GABRA3: variants seen among roughly 807,000 people sequenced by gnomAD.
GABRA3 encodes the protein gamma-aminobutyric acid receptor subunit alpha-3.
A neutral mutation model predicts 30.1 loss-of-function variants in GABRA3; 10 were observed. The ratio of observed to expected loss-of-function variants is 0.33; its 90% confidence interval spans 0.20 to 0.56. The LOEUF is 0.56. Among genes scored for constraint, GABRA3 ranks in the 20% least tolerant of loss-of-function variants. The probability of loss-of-function intolerance (pLI) is 0.89; values close to 1 mark genes in which losing one functional copy is unlikely to be tolerated. For missense variants in GABRA3, 233 were observed against 392.0 expected, an observed-to-expected ratio of 0.59 and a Z score of 3.42; for synonymous variants, 151 against 146.8, an observed-to-expected ratio of 1.03 and a Z score of -0.21.
chrX:152,370,587 A>G (rs926240829), intron 1 of GABRA3, among the ~76,000 whole-genome samples: 7 of 112,361 alleles, frequency 6.2e-5, no homozygotes, highest in African/African-American at 2.3e-4. Flanking sequence ...CATTGTTGTC[A>G]TAAGAATTAA....
At chrX:152,422,639 C>T (rs1351325566) in intron 1 of GABRA3, among the ~76,000 whole-genome samples, 4 of 110,677 alleles carry the variant, frequency 3.6e-5, no homozygotes, top group African/African-American at 1.3e-4. Flanking sequence ...CTGGAGAGAG[C>T]GAAATATTTT....
chrX:152,182,691 A>AG (rs377014868), intron 9 of GABRA3, among the ~76,000 whole-genome samples: 1 of 30,265 alleles, frequency 3.3e-5, no homozygotes, highest in Non-Finnish European at 5.6e-5. Flanking sequence ...TACACTATAT[A>AG]TGTATATATA....
At chrX:152,272,712 A>C (rs1306860956) in intron 4 of GABRA3, among the ~76,000 whole-genome samples, 1 of 111,786 alleles carries the variant, frequency 8.9e-6, no homozygotes, top group Non-Finnish European at 1.9e-5. Context: ...TGTAGTTTCC[A>C]TAATCCCCAC....
At chrX:152,182,632 A>ATATATAGT (rs1937182274) in intron 9 of GABRA3, among the ~76,000 whole-genome samples, 1 of 12,347 alleles carries the variant, frequency 8.1e-5, no homozygotes, top group African/African-American at 2.9e-4. Context: ...GTATATATAC[A>ATATATAGT]CTATATATAC....
intron 1 of GABRA3, among the ~76,000 whole-genome samples, chrX:152,391,981 C>T (rs1215575792): frequency 8.9e-6 from 1 of 111,969 alleles, no homozygotes; most frequent in Non-Finnish European, 1.9e-5. Flanking sequence ...CCTCACAACT[C>T]TATGAGGTAT....
At chrX:152,193,569 A>G (rs965741546) in intron 8 of GABRA3, among the ~76,000 whole-genome samples, 1 of 112,726 alleles carries the variant, frequency 8.9e-6, no homozygotes, top group Non-Finnish European at 1.9e-5. Context: ...CTACAAGATT[A>G]TATAGTAAGC....
At chrX:152,352,074 A>T (rs925548663) in intron 2 of GABRA3, among the ~76,000 whole-genome samples, 2 of 111,626 alleles carry the variant, frequency 1.8e-5, no homozygotes, top group African/African-American at 6.5e-5. Flanking sequence ...CAGATATAAT[A>T]ATCAAGACTT....
intron 2 of GABRA3, 70 bp downstream of exon 2, chrX:152,364,361 A>C: frequency 9.5e-7 from 1 of 1,055,868 alleles, no homozygotes; most frequent in Non-Finnish European, 1.3e-6. Context: ...GGGGGAAAAC[A>C]TCAGAAGTTT....
chrX:152,350,374 C>T (rs1240607143), intron 2 of GABRA3, among the ~76,000 whole-genome samples: 1 of 100,784 alleles, frequency 9.9e-6, no homozygotes, highest in African/African-American at 3.7e-5. Context: ...AAAATTGACA[C>T]CCTAACATCA....
At position 152,354,272 on chromosome X, in the gene GABRA3, A is replaced by T. The variant is rs1394536347; in HGVS notation, c.141-8570T>A. ...TGTGTGAGCTTTGGCAAGTTACCTG[A>T]CCTCTCTCTGTCTCCATATTTTATC... On this transcript the variant is annotated intron_variant, in intron 2 of 9. Coordinates refer to ENST00000370314, the MANE Select transcript of GABRA3 (RefSeq NM_000808.4). 4.5e-5 allele frequency among the ~76,000 whole-genome samples: 5 copies of T among 111,199 alleles called. No homozygotes were observed. The East Asian group carries it at 1.4e-3, about 32-fold the overall frequency.
At position 152,431,875 on chromosome X, in the gene GABRA3, C is replaced by T. The variant is rs754257610; in HGVS notation, c.-27+19271G>A. 7.2e-5 allele frequency among the ~76,000 whole-genome samples: 8 copies of T among 111,602 alleles called. No homozygotes were observed. The Admixed American group carries it at 7.6e-4, about 11-fold the overall frequency. ...CGGAAAAGTCAAGAAAACAAGTTCT[C>T]CTCAGAGCTTCCAAAAAGGAACACA... On this transcript the variant is annotated intron_variant, in intron 1 of 9. Coordinates refer to ENST00000370314, the MANE Select transcript of GABRA3 (RefSeq NM_000808.4).
At chrX:152,331,276 G>A (rs1940161955) in intron 3 of GABRA3, among the ~76,000 whole-genome samples, 1 of 109,808 alleles carries the variant, frequency 9.1e-6, no homozygotes, top group African/African-American at 3.3e-5. Flanking sequence ...GGTTTAAAGT[G>A]GGAGCACTAA....
At chrX:152,442,376 C>CA (rs1930954799) in intron 1 of GABRA3, among the ~76,000 whole-genome samples, 1 of 106,904 alleles carries the variant, frequency 9.4e-6, no homozygotes, top group Admixed American at 1.0e-4. Flanking sequence ...CTTAAATTTC[C>CA]AAAATAAAAA....
chrX:152,302,340 A>G (rs1171163685), intron 3 of GABRA3, among the ~76,000 whole-genome samples: 1 of 111,778 alleles, frequency 8.9e-6, no homozygotes, highest in Non-Finnish European at 1.9e-5. Context: ...AAAGTAAGTG[A>G]ATAAAAAATG....
chrX:152,317,952 G>C (rs1466062983), intron 3 of GABRA3, among the ~76,000 whole-genome samples: 1 of 110,167 alleles, frequency 9.1e-6, no homozygotes, highest in Non-Finnish European at 1.9e-5. Flanking sequence ...CAGAAGAAAA[G>C]AAATAACCAA....
At chrX:152,358,695 T>G (rs1940588468) in intron 2 of GABRA3, among the ~76,000 whole-genome samples, 1 of 111,608 alleles carries the variant, frequency 9.0e-6, no homozygotes, top group Non-Finnish European at 1.9e-5. Flanking sequence ...CAGATAGTCC[T>G]TATTATTTTG....
chrX:152,272,986 A>G (rs138567710), intron 4 of GABRA3, among the ~76,000 whole-genome samples: 1 of 111,642 alleles, frequency 9.0e-6, no homozygotes, highest in East Asian at 2.8e-4. Flanking sequence ...AAGTTACCCA[A>G]TCTTGGGCAG....
intron 1 of GABRA3, among the ~76,000 whole-genome samples, chrX:152,426,330 G>A (rs1310949792): frequency 8.9e-6 from 1 of 111,797 alleles, no homozygotes; most frequent in East Asian, 2.8e-4. Context: ...ATCATGTTTA[G>A]TATGTAAAGG....
intron 5 of GABRA3, among the ~76,000 whole-genome samples, chrX:152,234,187 A>C (rs1192516964): frequency 6.0e-5 from 6 of 100,484 alleles, no homozygotes; most frequent in Admixed American, 5.6e-4. Context: ...CCTAAAACTT[A>C]AAGTATAATA....
Sources: gnomAD v4.1 joint callset for allele counts (sites outside exome capture counted in the v4.1 genomes callset) on GRCh38, gnomAD v4.1.1 for gene constraint, MANE v1.5 for transcripts, NCBI Gene and HGNC (gene_info 2026-07-23, HGNC 2026-07-21) for gene names.